The following SSBP3 variants were observed in gnomAD, a reference collection of about 807,000 sequenced individuals.
The protein encoded by SSBP3 is single-stranded DNA-binding protein 3.
A neutral mutation model predicts 69.6 loss-of-function variants in SSBP3; 5 were observed. That is an observed-to-expected ratio of 0.07 (90% CI 0.04 to 0.15). The LOEUF (loss-of-function observed/expected upper bound fraction) is 0.15, where lower values mean the gene tolerates loss of function less well. Among genes scored for constraint, SSBP3 ranks in the 10% least tolerant of loss-of-function variants. The pLI, the probability that SSBP3 is intolerant of heterozygous loss-of-function variation, is 1.00. For synonymous variants in SSBP3, 196 were observed against 193.4 expected, an observed-to-expected ratio of 1.01 and a Z score of -0.11; for missense variants, 312 against 534.0, an observed-to-expected ratio of 0.58 and a Z score of 4.10.
chr1:54,281,565 C>A, intron 4 of SSBP3, 38 bp from the exon 5 acceptor site: 1 of 1,530,094 alleles, frequency 6.5e-7, no homozygotes, highest in Non-Finnish European at 8.9e-7. Context: ...GTGGCCAAAC[C>A]CACAACCAGA....
rs552079305 is a variant in SSBP3 at position 54,319,871 on chromosome 1, G to T, written c.277-38344C>A. On this transcript the variant is annotated intron_variant, in intron 4 of 17. Coordinates refer to ENST00000610401, the Ensembl canonical transcript of SSBP3. Reference sequence around the variant, plus strand: ...TTGAAGGACGCAGGTGGCCTGGGAAGCATCTGAGGAATGAAGCAACCACAA... The same window carrying T: ...TTGAAGGACGCAGGTGGCCTGGGAATCATCTGAGGAATGAAGCAACCACAA... Among the ~76,000 whole-genome samples, 23 of 152,328 alleles carry T rather than the reference G, an allele frequency of 1.5e-4. No individual in the cohort carries two copies. The South Asian group carries it at 4.8e-3, about 32-fold the overall frequency.
At chr1:54,378,229 A>G (rs1014173455) in intron 4 of SSBP3, among the ~76,000 whole-genome samples, 2 of 152,150 alleles carry the variant, frequency 1.3e-5, no homozygotes, top group Admixed American at 1.3e-4. Flanking sequence ...TCATGGATAG[A>G]TTTTCCCCAA....
intron 5 of SSBP3, among the ~76,000 whole-genome samples, chr1:54,259,858 T>C (rs1644988753): frequency 6.6e-6 from 1 of 152,274 alleles, no homozygotes; most frequent in South Asian, 2.1e-4. Context: ...GCCACGCTAC[T>C]AATTTCAACA....
At chr1:54,327,271 A>C (rs1446568552) in intron 4 of SSBP3, among the ~76,000 whole-genome samples, 196 of 151,282 alleles carry the variant, frequency 1.3e-3, no homozygotes, top group African/African-American at 4.3e-3. Context: ...GAAGGAAGGA[A>C]AACAACAACA....
At chr1:54,297,240 C>T (rs530529724) in intron 4 of SSBP3, among the ~76,000 whole-genome samples, 1 of 152,244 alleles carries the variant, frequency 6.6e-6, no homozygotes, top group Non-Finnish European at 1.5e-5. Flanking sequence ...AGGAGTCCAA[C>T]CTGAATTTGC....
chr1:54,240,476 G>A (rs1250664745), intron 13 of SSBP3, among the ~76,000 whole-genome samples: 1 of 126,306 alleles, frequency 7.9e-6, no homozygotes, highest in African/African-American at 2.9e-5. Flanking sequence ...AAAAAAAGGG[G>A]GGGGGGGCGG....
intron 17 of SSBP3, 40 bp downstream of exon 17, chr1:54,228,215 G>A (rs1352270915): frequency 1.3e-6 from 2 of 1,580,152 alleles, no homozygotes; most frequent in African/African-American, 2.7e-5. Context: ...GAGTCCCCAG[G>A]CCGTGGGGAC....
chr1:54,349,724 A>AG (rs72184317), intron 4 of SSBP3, among the ~76,000 whole-genome samples: 17 of 152,108 alleles, frequency 1.1e-4, no homozygotes, highest in African/African-American at 4.1e-4. Flanking sequence ...GGCCAAAAAA[A>AG]AAAAAAATCA....
chr1:54,336,096 C>T (rs1036262801), intron 4 of SSBP3, among the ~76,000 whole-genome samples: 11 of 152,250 alleles, frequency 7.2e-5, no homozygotes, highest in African/African-American at 2.2e-4. Flanking sequence ...ACAGAACCAT[C>T]TCTAAAGTTC....
rs573426889 is a variant in SSBP3, at chr1:54,306,743, G to A, written c.277-25216C>T. On this transcript the variant is annotated intron_variant, in intron 4 of 17. Coordinates refer to ENST00000610401, the Ensembl canonical transcript of SSBP3. ...ACAGGCCAGGCCTAGTGGCACACACGTATAATTCCAGGAGTTCGAAACGAA... is the reference window on the plus strand; with the variant it reads ...ACAGGCCAGGCCTAGTGGCACACACATATAATTCCAGGAGTTCGAAACGAA... 5.9e-5 allele frequency among the ~76,000 whole-genome samples: 9 copies of A among 152,184 alleles called. No individual in the cohort carries two copies. In the East Asian group the frequency reaches 7.7e-4, roughly 13 times the overall value.
intron 4 of SSBP3, among the ~76,000 whole-genome samples, chr1:54,306,742 C>T (rs563629979): frequency 2.6e-5 from 4 of 152,130 alleles, no homozygotes; most frequent in Admixed American, 6.5e-5. Flanking sequence ...GTGGCACACA[C>T]GTATAATTCC....
upstream of SSBP3, among the ~76,000 whole-genome samples, chr1:54,406,771 AG>A (rs1649808985): frequency 1.3e-5 from 2 of 151,044 alleles, no homozygotes; most frequent in African/African-American, 4.9e-5. Flanking sequence ...GTCCGATGGG[AG>A]GGGGCGCAGA....
intron 4 of SSBP3, among the ~76,000 whole-genome samples, chr1:54,364,128 G>A (rs184854184): frequency 9.8e-5 from 15 of 152,342 alleles, no homozygotes; most frequent in Admixed American, 9.8e-4. Flanking sequence ...TATACCACCT[G>A]TATTTGTAAA....
chr1:54,277,247 G>A (rs1459830895), intron 5 of SSBP3, among the ~76,000 whole-genome samples: 2 of 151,882 alleles, frequency 1.3e-5, no homozygotes, highest in African/African-American at 2.4e-5. Flanking sequence ...GTTGAGCCTG[G>A]ACACACAGCT....
At chr1:54,349,945 T>C (rs1414193904) in intron 4 of SSBP3, among the ~76,000 whole-genome samples, 1 of 152,158 alleles carries the variant, frequency 6.6e-6, no homozygotes. Context: ...TAGCCTCTGC[T>C]GTTGGCTGTC....
chr1:54,352,980 C>G (rs929161617), intron 4 of SSBP3, among the ~76,000 whole-genome samples: 7 of 152,184 alleles, frequency 4.6e-5, no homozygotes. Flanking sequence ...ATGGCAAACC[C>G]GAGAACTGCA....
At chr1:54,324,655 C>T (rs1400864203) in intron 4 of SSBP3, among the ~76,000 whole-genome samples, 1 of 141,422 alleles carries the variant, frequency 7.1e-6, no homozygotes, top group Non-Finnish European at 1.5e-5. Flanking sequence ...CACCCCGTTC[C>T]AGTTCCTTTT....
chr1:54,318,064 G>A (rs190969947), intron 4 of SSBP3, among the ~76,000 whole-genome samples: 2 of 152,262 alleles, frequency 1.3e-5, no homozygotes, highest in Non-Finnish European at 2.9e-5. Context: ...CACTGCGCCC[G>A]GCCTCTCCAT....
chr1:54,235,273 GTTTTTTTTTTTTTTT>G (rs200538399), intron 14 of SSBP3, among the ~76,000 whole-genome samples: 2 of 112,034 alleles, frequency 1.8e-5, no homozygotes, highest in Non-Finnish European at 3.6e-5. Context: ...AAGATGTCCA[GTTTTTTTTTTTTTTT>G]TTTTTTTTTT....
Sources: allele counts gnomAD v4.1 joint callset (sites outside exome capture counted in the v4.1 genomes callset), GRCh38; gene constraint gnomAD v4.1.1; transcripts MANE v1.5; gene names NCBI Gene and HGNC (gene_info 2026-07-23, HGNC 2026-07-21).